Variants in MPPED2 observed in about 807,000 individuals in gnomAD.
MPPED2 encodes the protein metallophosphoesterase domain containing 2.
MPPED2 carries 5 observed loss-of-function variants against 33.0 expected under a neutral mutation model. The observed-to-expected ratio is 0.15, with a 90% CI of 0.08 to 0.32. The LOEUF is 0.32. MPPED2 is among the 10% of genes least tolerant of loss of function. The probability of loss-of-function intolerance (pLI) is 1.00; values close to 1 mark genes in which losing one functional copy is unlikely to be tolerated. For missense variants in MPPED2, 275 were observed against 372.1 expected (o/e 0.74, Z 2.15); for synonymous variants, 136 against 141.9 (o/e 0.96, Z 0.29).
chr11:30,581,269 C>A (rs1436601175), intron 1 of MPPED2, among the ~76,000 whole-genome samples: 1 of 152,198 alleles, frequency 6.6e-6, no homozygotes, highest in African/African-American at 2.4e-5. Flanking sequence ...ATTACATCTG[C>A]CACCTCATTC....
chr11:30,568,175 T>C (rs1365588039), intron 2 of MPPED2, among the ~76,000 whole-genome samples: 3 of 152,226 alleles, frequency 2.0e-5, no homozygotes, highest in Non-Finnish European at 2.9e-5. Flanking sequence ...CCCTCACCAT[T>C]ACTTTTTGAA....
At chr11:30,451,388 G>A (rs1950058160) in intron 4 of MPPED2, among the ~76,000 whole-genome samples, 1 of 152,148 alleles carries the variant, frequency 6.6e-6, no homozygotes, top group Non-Finnish European at 1.5e-5. Flanking sequence ...TGCTAACCTG[G>A]CCCCCCTGCA....
chr11:30,531,187 C>G (rs1954503099), intron 3 of MPPED2, among the ~76,000 whole-genome samples: 1 of 152,156 alleles, frequency 6.6e-6, no homozygotes, highest in Admixed American at 6.5e-5. Flanking sequence ...AAAAGTATTT[C>G]TTTAAGAAGG....
At chr11:30,433,901 G>C (rs1461861877) in intron 4 of MPPED2, among the ~76,000 whole-genome samples, 1 of 152,154 alleles carries the variant, frequency 6.6e-6, no homozygotes, top group African/African-American at 2.4e-5. Context: ...TAAAACCAAG[G>C]TATTGGCAGG....
At chr11:30,563,406 C>G (rs1956314951) in intron 2 of MPPED2, among the ~76,000 whole-genome samples, 1 of 152,170 alleles carries the variant, frequency 6.6e-6, no homozygotes, top group African/African-American at 2.4e-5. Context: ...AATGTCGCAG[C>G]TGATCTGACA....
At chr11:30,464,490 C>A (rs986744576) in intron 4 of MPPED2, among the ~76,000 whole-genome samples, 1 of 150,392 alleles carries the variant, frequency 6.6e-6, no homozygotes, top group Non-Finnish European at 1.5e-5. Context: ...AAAAAGTTTA[C>A]CTTTAGTTTC....
chr11:30,424,496 G>A (rs1948746179), intron 4 of MPPED2, among the ~76,000 whole-genome samples: 1 of 152,132 alleles, frequency 6.6e-6, no homozygotes, highest in Non-Finnish European at 1.5e-5. Flanking sequence ...GCACTTCACA[G>A]CGCCTTTCAC....
At chr11:30,389,021 C>A in intron 6 of MPPED2, 1 of 1,493,408 alleles carries the variant, frequency 6.7e-7, no homozygotes, top group South Asian at 1.4e-5. Context: ...CTAAATTATT[C>A]AGTTTTCTCT....
At chr11:30,389,449 T>G (rs1400442745) in intron 6 of MPPED2, among the ~76,000 whole-genome samples, 2 of 152,200 alleles carry the variant, frequency 1.3e-5, no homozygotes, top group East Asian at 3.8e-4. Flanking sequence ...TTCTTTGTGG[T>G]CCTCCTGCTA....
At chr11:30,403,822 T>A (rs1490223353) in intron 6 of MPPED2, among the ~76,000 whole-genome samples, 1 of 152,212 alleles carries the variant, frequency 6.6e-6, no homozygotes, top group East Asian at 1.9e-4. Flanking sequence ...TCTACTACTA[T>A]GCAAAACTCA....
intron 3 of MPPED2, among the ~76,000 whole-genome samples, chr11:30,521,402 T>C (rs573847940): frequency 3.3e-5 from 5 of 152,222 alleles, no homozygotes; most frequent in African/African-American, 4.8e-5. Flanking sequence ...TTCACAACTC[T>C]GGAACATGAC....
intron 6 of MPPED2, 136 bp from the exon 7 acceptor site, chr11:30,411,722 T>A: frequency 1.9e-6 from 1 of 515,326 alleles, no homozygotes; most frequent in Non-Finnish European, 3.2e-6. Flanking sequence ...TCCTCAGATA[T>A]AATGACTTTC....
intron 4 of MPPED2, among the ~76,000 whole-genome samples, chr11:30,422,738 T>C (rs1948665184): frequency 6.6e-6 from 1 of 152,120 alleles, no homozygotes; most frequent in African/African-American, 2.4e-5. Flanking sequence ...AAATACCACA[T>C]GGGAACCAAC....
At chr11:30,581,882 T>G (rs1389815105) in intron 1 of MPPED2, among the ~76,000 whole-genome samples, 1 of 152,204 alleles carries the variant, frequency 6.6e-6, no homozygotes, top group Non-Finnish European at 1.5e-5. Flanking sequence ...GCTCTGGCAT[T>G]TTAAACAAAG....
chr11:30,567,817 G>C (rs1024724583), intron 2 of MPPED2, among the ~76,000 whole-genome samples: 43 of 152,300 alleles, frequency 2.8e-4, no homozygotes, highest in African/African-American at 1.0e-3. Context: ...ATCACTGAGA[G>C]TTACACTGTC....
At position 30,433,428 on chromosome 11, in the gene MPPED2, A is replaced by G. The variant is rs1949172779; in HGVS notation, c.537-15795T>C. Reference sequence around the variant, plus strand: ...CCATGTAGCATGTACTATATGAAACATTACACACAGCATCTCTTTGAGGTG... The same window carrying G: ...CCATGTAGCATGTACTATATGAAACGTTACACACAGCATCTCTTTGAGGTG... On this transcript the variant is annotated intron_variant, in intron 4 of 6. Coordinates refer to ENST00000358117, the MANE Select transcript of MPPED2 (RefSeq NM_001584.3). 2.0e-5 allele frequency among the ~76,000 whole-genome samples: 3 copies of G among 152,230 alleles called. No individual in the cohort carries two copies. The South Asian group carries it at 6.2e-4, about 31-fold the overall frequency.
chr11:30,498,547 CAAA>C (rs3062014), intron 3 of MPPED2, among the ~76,000 whole-genome samples: 33 of 124,300 alleles, frequency 2.7e-4, no homozygotes, highest in African/African-American at 3.3e-4. Flanking sequence ...AAACTTGTCT[CAAA>C]AAAAAAAAAA....
chr11:30,501,516 T>C, intron 3 of MPPED2: 1 of 496,202 alleles, frequency 2.0e-6, no homozygotes, highest in African/African-American at 2.1e-5. Context: ...ACTTTTTGCC[T>C]CCTTCTCTCA....
At chr11:30,497,212 A>G (rs913299157) in intron 3 of MPPED2, among the ~76,000 whole-genome samples, 1 of 152,204 alleles carries the variant, frequency 6.6e-6, no homozygotes, top group Non-Finnish European at 1.5e-5. Flanking sequence ...AGTTGTTTGG[A>G]TAGAATGGTG....
Sources: allele counts gnomAD v4.1 joint callset (sites outside exome capture counted in the v4.1 genomes callset), GRCh38; gene constraint gnomAD v4.1.1; transcripts MANE v1.5; gene names NCBI Gene and HGNC (gene_info 2026-07-23, HGNC 2026-07-21).